The following UACA variants were observed in gnomAD, a reference collection of about 807,000 sequenced individuals.
UACA encodes the protein nuclear membrane binding protein.
In UACA, 112 loss-of-function variants were observed where a neutral mutation model predicts 160.5. The observed-to-expected ratio is 0.70, with a 90% CI of 0.60 to 0.82. The LOEUF is 0.82. Among genes scored for constraint, UACA ranks in the 40% least tolerant of loss-of-function variants. The pLI is 0.00. For synonymous variants in UACA, 557 were observed against 568.4 expected, an observed-to-expected ratio of 0.98 and a Z score of 0.29; for missense variants, 1,574 against 1,614.6, an observed-to-expected ratio of 0.97 and a Z score of 0.43.
At chr15:70,666,661 T>C (rs949198966) in intron 16 of UACA, 63 bp downstream of exon 16, 1 of 1,310,442 alleles carries the variant, frequency 7.6e-7, no homozygotes, top group Non-Finnish European at 1.0e-6. Context: ...TGTGAGATTC[T>C]GTGGTAAAGA....
chr15:70,668,901 G>C lies in UACA; in HGVS notation c.1783C>G (p.Leu595Val), dbSNP rs1897036345. 1.9e-6 allele frequency: 3 copies of C among 1,613,356 alleles called. No homozygotes were observed. The highest frequency in any genetic ancestry group is 2.5e-6 in the Non-Finnish European group (3 of 1,179,874). The change falls in exon 16 of 19, where the codon CTT becomes GTT. Residue 595 changes from leucine (L) to valine (V), a missense_variant. Transcript: ENST00000322954. ...IEENKRLQKELSMCEMEREKK... is the reference protein window; with the variant it reads ...IEENKRLQKEVSMCEMEREKK... ...TCTCGCTCCATTTCACACATACTAA[G>C]TTCCTTCTGTAATCGCTTATTTTCT...
rs144905097 is a variant in UACA at position 70,682,772 on chromosome 15, G to T, written c.808C>A (p.Pro270Thr). The change falls in exon 9 of 19, where the codon CCA (proline) becomes ACA (threonine). Residue 270 changes from proline (P) to threonine (T), a missense_variant. Physicochemically the swap from Pro to Thr is conservative, Grantham distance 38 (BLOSUM62 -1). Transcript: ENST00000322954. ...NKGRELWKKG[P>T]SLQQRNLTHM... ...TTAATATCTACCTGTTGCAAAGATGGCCCTTTCTTCCAAAGTTCTCTCCCT... is the reference window on the plus strand; with the variant it reads ...TTAATATCTACCTGTTGCAAAGATGTCCCTTTCTTCCAAAGTTCTCTCCCT... 161 of 1,562,652 alleles carry T rather than the reference G, an allele frequency of 1.0e-4. No homozygotes were observed. In the African/African-American group the frequency reaches 2.1e-3, roughly 20 times the overall value.
intron 1 of UACA, among the ~76,000 whole-genome samples, chr15:70,749,532 AAAAAC>A (rs1899821288): frequency 6.6e-6 from 1 of 151,074 alleles, no homozygotes; most frequent in African/African-American, 2.4e-5. Flanking sequence ...CTCAAAAAAA[AAAAAC>A]AAAAACAAAA....
intron 1 of UACA, among the ~76,000 whole-genome samples, chr15:70,738,014 C>T (rs1252536086): frequency 6.6e-6 from 1 of 152,176 alleles, no homozygotes; most frequent in African/African-American, 2.4e-5. Flanking sequence ...CTTTCCGGGA[C>T]TTCCCATTAA....
chr15:70,705,779 T>G (rs954413583), intron 1 of UACA, among the ~76,000 whole-genome samples: 14 of 152,106 alleles, frequency 9.2e-5, no homozygotes, highest in South Asian at 2.1e-4. Context: ...CAAGCAATCA[T>G]AAGTCACAGA....
chr15:70,668,584 T>C lies in UACA; in HGVS notation c.2100A>G (p.Glu700=). The C allele has an allele frequency of 6.2e-7, 1 of 1,613,366 alleles. No individual in the cohort carries two copies. Among genetic ancestry groups the C allele is most frequent in the Non-Finnish European group, 8.5e-7 (1 of 1,179,936 alleles). ...VKSRLEQKSG[E]LGKKITELTL... is the part of the protein sequence containing the mutation. The stretch of plus-strand genomic sequence containing the variant: ...TTAACTCAGTGATCTTCTTCCCAAG[T>C]TCTCCTGATTTCTGTTCTAATCTGC... The change falls in exon 16 of 19, where the codon GAA becomes GAG. Residue 700 remains glutamate, a synonymous_variant. Transcript: ENST00000322954.
chr15:70,689,102 T>C (rs748791475), intron 5 of UACA, among the ~76,000 whole-genome samples: 8 of 152,156 alleles, frequency 5.3e-5, no homozygotes, highest in Non-Finnish European at 1.0e-4. Flanking sequence ...GGGCATGTAT[T>C]CCACTAGGCT....
At chr15:70,717,483 T>C (rs993504029) in intron 1 of UACA, among the ~76,000 whole-genome samples, 42 of 152,224 alleles carry the variant, frequency 2.8e-4, no homozygotes, top group African/African-American at 9.6e-4. Context: ...ATAGGCAATA[T>C]GTAATGAATA....
At chr15:70,750,501 GCTCTTGTTGTTAA>G (rs2029979648) in intron 1 of UACA, among the ~76,000 whole-genome samples, 1 of 151,886 alleles carries the variant, frequency 6.6e-6, no homozygotes, top group African/African-American at 2.4e-5. Context: ...CTATGCCTTT[GCTCTTGTTGTTAA>G]CTCTGAAAGA....
At chr15:70,691,276 A>G (rs1048922730) in intron 4 of UACA, 23 bp downstream of exon 4, 3 of 1,530,218 alleles carry the variant, frequency 2.0e-6, no homozygotes, top group Admixed American at 1.9e-5. Flanking sequence ...TAATAAAGCT[A>G]AAGTATTAAC....
chr15:70,778,231 C>G, the UACA span, among the ~76,000 whole-genome samples: 1 of 152,010 alleles, frequency 6.6e-6, no homozygotes, highest in Non-Finnish European at 1.5e-5. Context: ...AGAACAGGAA[C>G]CTTTTTTTAC....
chr15:70,749,698 CAAA>C (rs11292883), intron 1 of UACA, among the ~76,000 whole-genome samples: 27 of 70,040 alleles, frequency 3.9e-4, no homozygotes, highest in African/African-American at 1.0e-3. Flanking sequence ...GACTCCGTCT[CAAA>C]AAAAAAAAAA....
At chr15:70,688,923 T>C (rs1447971443) in intron 5 of UACA, among the ~76,000 whole-genome samples, 4 of 152,222 alleles carry the variant, frequency 2.6e-5, no homozygotes, top group African/African-American at 7.2e-5. Context: ...TACCAAAATT[T>C]GTTCTCCTCT....
At position 70,679,607 on chromosome 15, in the gene UACA, C is replaced by A. The variant is rs185763236; in HGVS notation, c.891+1G>T. ...AGACACCATTATTTTTTTCTTTTTA[C>A]CTGAATATTTTGATGCTCCCTCTGA... is the stretch of plus-strand genomic sequence containing the variant. On this transcript the variant is annotated splice_donor_variant, in intron 10 of 18. Transcript: ENST00000322954. LOFTEE classifies it high-confidence loss of function. 31 of 1,577,084 alleles carry A rather than the reference C, an allele frequency of 2.0e-5. No homozygotes were observed. The highest frequency in any genetic ancestry group is 1.8e-5 in the Admixed American group (1 of 55,212).
chr15:70,692,185 A>G (rs1284160977), intron 3 of UACA, among the ~76,000 whole-genome samples: 1 of 152,068 alleles, frequency 6.6e-6, no homozygotes. Context: ...TTATTCTTTT[A>G]GAGATAAGGT....
chr15:70,676,357 C>A, intron 13 of UACA, 136 bp downstream of exon 13: 1 of 620,916 alleles, frequency 1.6e-6, no homozygotes, highest in Non-Finnish European at 2.7e-6. Context: ...AAAGAGGCAA[C>A]AAGTTTGAAG....
chr15:70,726,812 A>G (rs1899156969), intron 1 of UACA, among the ~76,000 whole-genome samples: 1 of 152,190 alleles, frequency 6.6e-6, no homozygotes, highest in Admixed American at 6.5e-5. Flanking sequence ...ACAAAGTTAT[A>G]CAAAGAATCA....
At chr15:70,674,519 A>T (rs1897246392) in intron 13 of UACA, among the ~76,000 whole-genome samples, 1 of 152,228 alleles carries the variant, frequency 6.6e-6, no homozygotes, top group Non-Finnish European at 1.5e-5. Context: ...TTATAAGAAA[A>T]ATAAGTTACT....
At position 70,668,460 on chromosome 15, in the gene UACA, TTTTCA is replaced by T. The variant is rs1897014731; in HGVS notation, c.2219_2223del (p.Met740LysfsTer10). ...CTTACTTTTAAAGGAACATAATGAT[TTTTCA>T]TTTCAATTGTTAAGTTATGTGCTTG... On this transcript the variant is annotated frameshift_variant, in exon 16 of 19. Transcript: ENST00000322954. LOFTEE classifies it high-confidence loss of function. 1 of 1,612,306 alleles carries T rather than the reference TTTTCA, an allele frequency of 6.2e-7. No individual in the cohort carries two copies. The highest frequency in any genetic ancestry group is 8.5e-7 in the Non-Finnish European group (1 of 1,179,864).
Sources: gnomAD v4.1 joint callset for allele counts (sites outside exome capture counted in the v4.1 genomes callset) on GRCh38, gnomAD v4.1.1 for gene constraint, MANE v1.5 for transcripts, NCBI Gene and HGNC (gene_info 2026-07-23, HGNC 2026-07-21) for gene names.